IL18R1: variants seen among roughly 807,000 people sequenced by gnomAD.
IL18R1 encodes interleukin 18 receptor 1, also known as interleukin-18 receptor 1.
IL18R1 carries 40 observed loss-of-function variants against 48.5 expected under a neutral mutation model. That is an observed-to-expected ratio of 0.82 (90% confidence interval 0.64 to 1.07). The LOEUF is 1.07. Among genes scored for constraint, IL18R1 ranks in the 50% least tolerant of loss-of-function variants. IL18R1 has a pLI of 0.00. For missense variants in IL18R1, 596 were observed against 633.7 expected (o/e 0.94, Z 0.64); for synonymous variants, 232 against 225.9 (o/e 1.03, Z -0.24).
intron 5 of IL18R1, among the ~76,000 whole-genome samples, chr2:102,378,935 G>A (rs933548447): frequency 6.6e-6 from 1 of 152,204 alleles, no homozygotes; most frequent in African/African-American, 2.4e-5. Flanking sequence ...GGACAGAGAG[G>A]TTCTGAGCTC....
chr2:102,376,637 G>C (rs542703528), intron 5 of IL18R1, among the ~76,000 whole-genome samples: 3 of 152,250 alleles, frequency 2.0e-5, no homozygotes, highest in Non-Finnish European at 4.4e-5. Context: ...TGACCTGCTG[G>C]GGGAAGGGAT....
intron 2 of IL18R1, among the ~76,000 whole-genome samples, chr2:102,366,620 C>CATGGTAAT (rs1678915239): frequency 6.6e-6 from 1 of 152,290 alleles, no homozygotes; most frequent in African/African-American, 2.4e-5. Context: ...TCCATTCTCA[C>CATGGTAAT]ACTGCTAATA....
rs137932457 is a variant in IL18R1, at chr2:102,379,862, G to A, written c.626-1758G>A. 1.9e-3 allele frequency among the ~76,000 whole-genome samples: 285 copies of A among 152,316 alleles called. 3 individuals carry two copies. Among genetic ancestry groups the A allele is most frequent in the African/African-American group, 6.5e-3 (272 of 41,556 alleles). The stretch of plus-strand genomic sequence containing the variant: ...TCTGGTTTCTGTGACTTGCTTTGGG[G>A]AGAATGGAGGCATGAAGCAGGAGGG... On this transcript the variant is annotated intron_variant, in intron 5 of 10. Coordinates refer to ENST00000233957, the MANE Select transcript of IL18R1 (RefSeq NM_003855.5).
chr2:102,358,435 G>C (rs1294011733), intron 1 of IL18R1, among the ~76,000 whole-genome samples: 2 of 151,946 alleles, frequency 1.3e-5, no homozygotes, highest in Non-Finnish European at 2.9e-5. Context: ...TTTTCATTTA[G>C]AGAAAACTTC....
chr2:102,370,566 T>C (rs1169783027), intron 3 of IL18R1, among the ~76,000 whole-genome samples: 2 of 152,248 alleles, frequency 1.3e-5, no homozygotes, highest in African/African-American at 4.8e-5. Flanking sequence ...GCCAATCTTT[T>C]ATAAATTCAT....
chr2:102,382,177 G>A (rs1233197648), intron 6 of IL18R1, among the ~76,000 whole-genome samples: 2 of 152,114 alleles, frequency 1.3e-5, no homozygotes, highest in Non-Finnish European at 2.9e-5. Flanking sequence ...GGAGACTGAG[G>A]CAGGAGAATC....
chr2:102,393,491 T>G (rs1410874870), intron 9 of IL18R1, among the ~76,000 whole-genome samples: 1 of 152,206 alleles, frequency 6.6e-6, no homozygotes, highest in South Asian at 2.1e-4. Flanking sequence ...AAGTGTTGTT[T>G]GGTGACCATG....
intron 3 of IL18R1, among the ~76,000 whole-genome samples, chr2:102,371,048 T>TTG (rs72546833): frequency 1.2e-4 from 16 of 134,304 alleles, no homozygotes; most frequent in Admixed American, 5.1e-4. Flanking sequence ...ATCACCTTTT[T>TTG]TTGTTGTTGT....
chr2:102,382,214 A>G (rs1679961547), intron 6 of IL18R1, among the ~76,000 whole-genome samples: 1 of 152,102 alleles, frequency 6.6e-6, no homozygotes. Context: ...CAAGGTTGTA[A>G]TGAGCTGAAA....
intron 9 of IL18R1, among the ~76,000 whole-genome samples, chr2:102,391,833 A>G (rs920917195): frequency 2.6e-5 from 4 of 152,252 alleles, no homozygotes; most frequent in African/African-American, 4.8e-5. Context: ...TTTCATTTGC[A>G]TAAGGCTCAG....
intron 6 of IL18R1, among the ~76,000 whole-genome samples, chr2:102,382,250 C>T (rs1679963299): frequency 6.6e-6 from 1 of 152,024 alleles, no homozygotes; most frequent in Non-Finnish European, 1.5e-5. Flanking sequence ...CCAGCCTGGG[C>T]AACGGAGCAA....
At chr2:102,364,710 C>T (rs1267642459) in intron 2 of IL18R1, among the ~76,000 whole-genome samples, 1 of 152,128 alleles carries the variant, frequency 6.6e-6, no homozygotes, top group Non-Finnish European at 1.5e-5. Context: ...TAAAGGCATA[C>T]TTGAGACTGG....
chr2:102,384,835 C>T (rs892163704), intron 6 of IL18R1, 43 bp from the exon 7 acceptor site: 13 of 1,600,008 alleles, frequency 8.1e-6, no homozygotes, highest in African/African-American at 4.0e-5. Flanking sequence ...TTTAAGAAAC[C>T]TGAGTTTCAA....
At chr2:102,381,074 G>T (rs1232445158) in intron 5 of IL18R1, among the ~76,000 whole-genome samples, 2 of 152,204 alleles carry the variant, frequency 1.3e-5, no homozygotes, top group East Asian at 3.8e-4. Context: ...CCACTCAGGA[G>T]CAGAAGTAGA....
chr2:102,358,616 G>A (rs903439938), intron 1 of IL18R1, among the ~76,000 whole-genome samples: 5 of 152,068 alleles, frequency 3.3e-5, no homozygotes, highest in East Asian at 1.9e-4. Flanking sequence ...GCCCTACGTC[G>A]GCGGCTCTCT....
intron 9 of IL18R1, among the ~76,000 whole-genome samples, chr2:102,392,596 C>T (rs1680613878): frequency 6.6e-6 from 1 of 152,100 alleles, no homozygotes; most frequent in Non-Finnish European, 1.5e-5. Context: ...AAGATAAAAA[C>T]TTTTATCACA....
chr2:102,358,590 G>A (rs10173193), intron 1 of IL18R1, among the ~76,000 whole-genome samples: 66,746 of 152,014 alleles, frequency 0.44, 16,434 homozygotes, highest in African/African-American at 0.66. Flanking sequence ...GTACTTTCCT[G>A]AGAATACAAA....
At chr2:102,363,884 C>T (rs963545717) in intron 2 of IL18R1, among the ~76,000 whole-genome samples, 2 of 152,182 alleles carry the variant, frequency 1.3e-5, no homozygotes, top group Admixed American at 1.3e-4. Context: ...GTTGGCACTG[C>T]TGGGTTCTTA....
At chr2:102,381,819 A>G (rs3213732) in intron 6 of IL18R1, 137 bp downstream of exon 6, 309,434 of 654,156 alleles carry the variant, frequency 0.47, 79,439 homozygotes, top group African/African-American at 0.73. Context: ...AAAACTAAGA[A>G]AAGAGTGCCA....
Sources: allele counts gnomAD v4.1 joint callset (sites outside exome capture counted in the v4.1 genomes callset), GRCh38; gene constraint gnomAD v4.1.1; transcripts MANE v1.5; gene names NCBI Gene and HGNC (gene_info 2026-07-23, HGNC 2026-07-21).